Variants in DHTKD1 observed in about 807,000 individuals in gnomAD.
DHTKD1 encodes dehydrogenase E1 and transketolase domain containing 1, also known as 2-oxoadipate dehydrogenase complex component E1.
A neutral mutation model predicts 101.8 loss-of-function variants in DHTKD1; 78 were observed. The observed-to-expected ratio is 0.77, with a 90% CI of 0.64 to 0.93. DHTKD1 has a LOEUF of 0.93. DHTKD1 is among the 40% of genes least tolerant of loss of function. The probability of loss-of-function intolerance (pLI) is 0.00; values close to 1 mark genes in which losing one functional copy is unlikely to be tolerated. For synonymous variants in DHTKD1, 462 were observed against 450.3 expected, an observed-to-expected ratio of 1.03 and a Z score of -0.33; for missense variants, 1,223 against 1,161.7, an observed-to-expected ratio of 1.05 and a Z score of -0.77.
At chr10:12,120,070 C>T in intron 15 of DHTKD1, 112 bp from the exon 16 acceptor site, 2 of 757,010 alleles carry the variant, frequency 2.6e-6, no homozygotes, top group East Asian at 2.5e-5. Flanking sequence ...GAATGTGAAT[C>T]CCTTTCACAC....
At chr10:12,104,043 C>G (rs1438423969) in intron 10 of DHTKD1, among the ~76,000 whole-genome samples, 1 of 152,160 alleles carries the variant, frequency 6.6e-6, no homozygotes, top group Admixed American at 6.6e-5. Flanking sequence ...CACTCATCGA[C>G]TGTTTGTTTC....
At position 12,094,099 on chromosome 10, in the gene DHTKD1, C is replaced by A. The variant is rs376642629; in HGVS notation, c.1186C>A (p.His396Asn). The A allele has an allele frequency of 6.2e-7, 1 of 1,613,934 alleles. No homozygotes were observed. The highest frequency in any genetic ancestry group is 1.3e-5 in the African/African-American group (1 of 74,898). The change falls in exon 7 of 17, where the codon CAT (histidine) becomes AAT (asparagine). Residue 396 changes from histidine to asparagine, a missense_variant. His to Asn is a moderately conservative substitution (Grantham distance 68). Coordinates refer to ENST00000263035, the MANE Select transcript of DHTKD1 (RefSeq NM_018706.7). ...IGKLVGCAII[H>N]VNGDSPEEVV... is the part of the protein sequence containing the mutation. ...GAAGCTTGTGGGCTGTGCCATCATC[C>A]ATGTCAATGGAGACAGCCCAGAGGA... is the stretch of plus-strand genomic sequence containing the variant.
At position 12,103,491 on chromosome 10, in the gene DHTKD1, C is replaced by CTGTG. The variant is rs55809304; in HGVS notation, c.1896+2344_1896+2347dup. On this transcript the variant is annotated intron_variant, in intron 10 of 16. Transcript: ENST00000263035. The surrounding 1 kb of genome is among the most constrained non-coding windows in gnomAD (Gnocchi z 4.8). The stretch of plus-strand genomic sequence containing the variant: ...CCCCAACTTCGTTGTACATCTCAAT[C>CTGTG]TGTGTGTGTGTGTGTGTGTGTGTGT... Among the ~76,000 whole-genome samples, 764 of 144,972 alleles carry CTGTG rather than the reference C, an allele frequency of 5.3e-3. 5 individuals carry two copies. Among genetic ancestry groups the CTGTG allele is most frequent in the African/African-American group, 0.011 (419 of 39,366 alleles).
At chr10:12,080,458 A>G (rs1278750319) in intron 1 of DHTKD1, among the ~76,000 whole-genome samples, 2 of 151,986 alleles carry the variant, frequency 1.3e-5, no homozygotes, top group African/African-American at 4.8e-5. Context: ...CACGCCTGTA[A>G]TCCCAGCACT....
chr10:12,084,638 C>T lies in DHTKD1; in HGVS notation c.409C>T (p.Leu137Phe). 1.9e-6 allele frequency: 3 copies of T among 1,614,076 alleles called. No homozygotes were observed. Among genetic ancestry groups the T allele is most frequent in the Non-Finnish European group, 2.5e-6 (3 of 1,179,946 alleles). ...CGQISIETSQ[L>F]QSQDEKDWFA... ...GCAGATTTCTATTGAAACCTCCCAA[C>T]TTCAGAGCCAGGATGAGAAAGACTG... The change falls in exon 3 of 17, where the codon CTT becomes TTT. Residue 137 changes from leucine (L) to phenylalanine (F), a missense_variant. By Grantham distance (22) the Leu-to-Phe change is conservative. Transcript: ENST00000263035.
intron 10 of DHTKD1, 141 bp from the exon 11 acceptor site, chr10:12,106,105 A>C: frequency 1.1e-6 from 1 of 913,150 alleles, no homozygotes; most frequent in Non-Finnish European, 1.7e-6. Context: ...CAAAAAGCAG[A>C]AACAAACAAA....
chr10:12,091,568 T>C lies in DHTKD1; in HGVS notation c.1043T>C (p.Leu348Pro), dbSNP rs1564392309. ...GQGIVPETFT[L>P]SNLPHFRIGG... is the part of the protein sequence containing the mutation. ...GGGATTGTTCCTGAAACATTCACGC[T>C]GTCCAATCTCCCACATTTCAGAATT... Residue 348 changes from leucine (L) to proline (P), a missense_variant, in exon 6 of 17, where the codon CTG becomes CCG. By Grantham distance (98) the Leu-to-Pro change is moderately conservative (BLOSUM62 -3). Transcript: ENST00000263035. 2.5e-6 allele frequency: 4 copies of C among 1,613,104 alleles called. No individual in the cohort carries two copies. Among genetic ancestry groups the C allele is most frequent in the Non-Finnish European group, 3.4e-6 (4 of 1,179,940 alleles).
intron 2 of DHTKD1, among the ~76,000 whole-genome samples, chr10:12,084,305 A>ATT (rs201178846): frequency 8.5e-6 from 1 of 118,318 alleles, no homozygotes; most frequent in Non-Finnish European, 2.0e-5. Flanking sequence ...TTGCCACATG[A>ATT]TTTTTTTTTT....
rs1450331120 is a variant in DHTKD1 at position 12,100,251 on chromosome 10, T to C, written c.1745T>C (p.Leu582Ser). 3 of 1,516,578 alleles carry C rather than the reference T, an allele frequency of 2.0e-6. No homozygotes were observed. Among genetic ancestry groups the C allele is most frequent in the African/African-American group, 2.8e-5 (2 of 70,766 alleles). The allele number at this position is 1,516,578 out of a possible 1,614,324, so 93.9% of individuals were successfully genotyped here. A position where few individuals can be genotyped will look rare whatever the true frequency, so the allele number is the denominator to read the frequency against. The change falls in exon 9 of 17, where the codon TTA becomes TCA. Residue 582 changes from leucine (L) to serine (S), a missense_variant. Coordinates refer to ENST00000263035, the MANE Select transcript of DHTKD1 (RefSeq NM_018706.7). ...ATAEALALGSLLAQGFNVRLS... is the reference protein window; with the variant it reads ...ATAEALALGSSLAQGFNVRLS... ...GCGGAAGCTCTTGCCTTGGGTTCTT[T>C]ACTTGCTCAAGGTAAGAATTTTCTT...
At chr10:12,091,836 GCT>G in intron 6 of DHTKD1, 152 bp downstream of exon 6, 1 of 614,298 alleles carries the variant, frequency 1.6e-6, no homozygotes. Flanking sequence ...ATGGAGTCTT[GCT>G]CTGTCACCCA....
At position 12,074,039 on chromosome 10, in the gene DHTKD1, C is replaced by G. The variant is rs11816850; in HGVS notation, c.154+4852C>G. Among the ~76,000 whole-genome samples the G allele has an allele frequency of 3.6e-3, 545 of 152,282 alleles. 4 individuals are homozygous for G. The highest frequency in any genetic ancestry group is 0.012 in the African/African-American group (518 of 41,568). On this transcript the variant is annotated intron_variant, in intron 1 of 16. Transcript: ENST00000263035. ...CTGGCTTCGTTACGGACTTAAACATCAAATCTAATTCCTGTGACCTTTTGC... is the reference window on the plus strand; with the variant it reads ...CTGGCTTCGTTACGGACTTAAACATGAAATCTAATTCCTGTGACCTTTTGC...
chr10:12,097,041 A>G (rs1241397448), intron 7 of DHTKD1, among the ~76,000 whole-genome samples: 1 of 152,144 alleles, frequency 6.6e-6, no homozygotes, highest in Non-Finnish European at 1.5e-5. Flanking sequence ...TGTTACTATG[A>G]GTGCCTTCAT....
rs1554790544 is a variant in DHTKD1 at position 12,076,995 on chromosome 10, A to AAAAAAAAAAAG, written c.155-4477_155-4476insAAAAAAAAAAG. Among the ~76,000 whole-genome samples the AAAAAAAAAAAG allele has an allele frequency of 1.1e-4, 14 of 128,098 alleles. 1 individual carries two copies. The highest frequency in any genetic ancestry group is 5.3e-4 in the South Asian group (2 of 3,752). 84.0% of individuals were successfully genotyped at this position (128,098 alleles called of 152,430 possible). Reference sequence around the variant, plus strand: ...TCTGATAAAAAAAAAAAAAAAAAAAAGGAAGAAAAAAGAACAAGTCGGCAA... The same window carrying AAAAAAAAAAAG: ...TCTGATAAAAAAAAAAAAAAAAAAAAAAAAAAAAAAGGGAAGAAAAAAGAACAAGTCGGCAA... On this transcript the variant is annotated intron_variant, in intron 1 of 16. Coordinates refer to ENST00000263035, the MANE Select transcript of DHTKD1 (RefSeq NM_018706.7).
In DHTKD1 at chr10:12,091,530, T is replaced by C; in HGVS notation, c.1005T>C (p.Ser335=). The C allele has an allele frequency of 1.2e-6, 2 of 1,607,642 alleles. No homozygotes were observed. Among genetic ancestry groups the C allele is most frequent in the Non-Finnish European group, 1.7e-6 (2 of 1,176,990 alleles). Residue 335 remains serine (S), a synonymous_variant, in exon 6 of 17, where the codon TCT becomes TCC. Coordinates refer to ENST00000263035, the MANE Select transcript of DHTKD1 (RefSeq NM_018706.7). ...TGATTTAGGTCCATGGTGATGCTTC[T>C]TTCTGTGGTCAAGGGATTGTTCCTG... The part of the protein sequence containing the change: ...VICLQVHGDA[S]FCGQGIVPET...
chr10:12,076,245 C>A (rs187651674), intron 1 of DHTKD1, among the ~76,000 whole-genome samples: 2 of 152,250 alleles, frequency 1.3e-5, no homozygotes, highest in Admixed American at 6.5e-5. Flanking sequence ...TGGGAGGCCG[C>A]GGTGGGCGGA....
At chr10:12,106,162 C>T in intron 10 of DHTKD1, 84 bp from the exon 11 acceptor site, 1 of 1,420,392 alleles carries the variant, frequency 7.0e-7, no homozygotes, top group Non-Finnish European at 9.9e-7. Context: ...CTCTCCGCAC[C>T]ACCTCCCTTC....
intron 2 of DHTKD1, 57 bp downstream of exon 2, chr10:12,081,684 G>T (rs975226054): frequency 1.7e-5 from 27 of 1,599,634 alleles, no homozygotes; most frequent in Non-Finnish European, 2.3e-5. Flanking sequence ...CCAGGCTCCT[G>T]CCTCTGTTCT....
chr10:12,100,285 C>CTGTTTTTTTT, intron 9 of DHTKD1, 23 bp downstream of exon 9: 1 of 228,238 alleles, frequency 4.4e-6, no homozygotes, highest in Admixed American at 8.7e-5. Flanking sequence ...TTTTTTTTTT[C>CTGTTTTTTTT]TGTTTTTTTT....
At position 12,121,074 on chromosome 10, in the gene DHTKD1, G is replaced by C; in HGVS notation, c.*186G>C. On this transcript the variant is annotated 3_prime_UTR_variant, in exon 17 of 17. Transcript: ENST00000263035. Reference sequence around the variant, plus strand: ...GCCTCTACTAAAAATACAAAAAATAGCCGGGTGTGGTGGTGGGCACCTGTG... The same window carrying C: ...GCCTCTACTAAAAATACAAAAAATACCCGGGTGTGGTGGTGGGCACCTGTG... The C allele has an allele frequency of 2.2e-6, 1 of 457,686 alleles. No individual in the cohort carries two copies. The highest frequency in any genetic ancestry group is 4.1e-6 in the Non-Finnish European group (1 of 245,468). 28.4% of individuals were successfully genotyped at this position (457,686 alleles called of 1,614,324 possible).
Sources: gnomAD v4.1 joint callset for allele counts (sites outside exome capture counted in the v4.1 genomes callset) on GRCh38, gnomAD v4.1.1 for gene constraint, Gnocchi (gnomAD v3.1) non-coding constraint, MANE v1.5 for transcripts, NCBI Gene and HGNC (gene_info 2026-07-23, HGNC 2026-07-21) for gene names.